The following RIC1 variants were observed in gnomAD, a reference collection of about 807,000 sequenced individuals.
The protein encoded by RIC1 is guanine nucleotide exchange factor subunit RIC1.
Under a neutral mutation model 169.0 loss-of-function variants are expected in RIC1, and 88 were observed. The ratio of observed to expected loss-of-function variants is 0.52; its 90% CI spans 0.44 to 0.62. The LOEUF (loss-of-function observed/expected upper bound fraction) is 0.62, where lower values mean the gene tolerates loss of function less well. Among genes scored for constraint, RIC1 ranks in the 20% least tolerant of loss-of-function variants. RIC1 has a pLI of 0.00. For synonymous variants in RIC1, 790 were observed against 601.5 expected (o/e 1.31, Z -4.59); for missense variants, 1,877 against 1,725.5 (o/e 1.09, Z -1.56).
intron 1 of RIC1, among the ~76,000 whole-genome samples, chr9:5,630,225 G>T (rs991646701): frequency 2.6e-5 from 4 of 152,172 alleles, no homozygotes; most frequent in Non-Finnish European, 4.4e-5. Flanking sequence ...GAATTACTGA[G>T]TAGATATGAG....
intron 6 of RIC1, among the ~76,000 whole-genome samples, chr9:5,727,200 G>A (rs532779827): frequency 1.2e-4 from 18 of 152,304 alleles, no homozygotes; most frequent in Non-Finnish European, 2.4e-4. Context: ...GCAGTCAGAC[G>A]TAGATTTCAT....
intron 2 of RIC1, among the ~76,000 whole-genome samples, chr9:5,657,386 A>T (rs1191426104): frequency 1.3e-5 from 2 of 152,126 alleles, no homozygotes; most frequent in African/African-American, 4.8e-5. Context: ...ATATGTGGTT[A>T]ATTAACATTA....
intron 7 of RIC1, among the ~76,000 whole-genome samples, chr9:5,737,810 A>G (rs1046050933): frequency 1.3e-5 from 2 of 151,022 alleles, no homozygotes; most frequent in African/African-American, 4.8e-5. Context: ...AATATTATAT[A>G]TTGTATTCTT....
At chr9:5,755,173 A>G (rs992677116) in intron 15 of RIC1, among the ~76,000 whole-genome samples, 3 of 152,188 alleles carry the variant, frequency 2.0e-5, no homozygotes, top group African/African-American at 7.2e-5. Context: ...GACATTCCCT[A>G]TGGAGTTTGA....
intron 17 of RIC1, among the ~76,000 whole-genome samples, chr9:5,759,234 T>C (rs1400332100): frequency 6.6e-6 from 1 of 152,216 alleles, no homozygotes; most frequent in South Asian, 2.1e-4. Flanking sequence ...GAGGAACTAA[T>C]CAGTCTTATC....
chr9:5,718,166 A>AAAAAG (rs1823380133), intron 4 of RIC1, among the ~76,000 whole-genome samples: 9 of 150,258 alleles, frequency 6.0e-5, no homozygotes, highest in South Asian at 2.1e-4. Flanking sequence ...AAAAAAAAAA[A>AAAAAG]GTTCAGTTCT....
intron 3 of RIC1, among the ~76,000 whole-genome samples, chr9:5,692,858 T>C: frequency 6.6e-6 from 1 of 152,106 alleles, no homozygotes; most frequent in Non-Finnish European, 1.5e-5. Context: ...TAAGCATTTT[T>C]TAATACGTAT....
In RIC1 at chr9:5,775,375, A is replaced by G. The variant is rs1199527561; in HGVS notation, c.*1129A>G. 1 of 152,194 alleles carries G rather than the reference A, an allele frequency of 6.6e-6. No homozygotes were observed. The allele number at this position is 152,194 out of a possible 1,614,324, so 9.4% of individuals were successfully genotyped here. A position where few individuals can be genotyped will look rare whatever the true frequency, so the allele number is the denominator to read the frequency against. On this transcript the variant is annotated 3_prime_UTR_variant, in exon 26 of 26. Transcript: ENST00000414202. ...TTTGTTTTCATACATTATGAAAACA[A>G]CTGCATACTCCTTAATTGCTTTAAA...
At chr9:5,714,076 C>T (rs1823094958) in intron 4 of RIC1, 73 bp downstream of exon 4, 1 of 899,462 alleles carries the variant, frequency 1.1e-6, no homozygotes, top group Admixed American at 2.2e-5. Context: ...CCATGACCAA[C>T]AGGAAAGTTA....
chr9:5,707,646 C>A (rs12683639), intron 3 of RIC1, among the ~76,000 whole-genome samples: 45,505 of 151,660 alleles, frequency 0.3, 7,999 homozygotes, highest in East Asian at 0.62. Flanking sequence ...TGTGATAGTT[C>A]CTAAAGTCTT....
At chr9:5,765,274 A>G in intron 19 of RIC1, 140 bp from the exon 20 acceptor site, 1 of 834,696 alleles carries the variant, frequency 1.2e-6, no homozygotes, top group Non-Finnish European at 1.9e-6. Context: ...CTTGTATGGT[A>G]CTTTTTAATC....
rs1407265870 is a variant in RIC1 at position 5,775,162 on chromosome 9, T to C, written c.*916T>C. ...AGAAATGGTCACACTGATCATGAAA[T>C]GCAGCAAGTTTTGTGCAAATTAACA... On this transcript the variant is annotated 3_prime_UTR_variant, in exon 26 of 26. Transcript: ENST00000414202. The C allele has an allele frequency of 6.6e-6, 1 of 152,220 alleles. No homozygotes were observed. Among genetic ancestry groups the C allele is most frequent in the Non-Finnish European group, 1.5e-5 (1 of 68,036 alleles). The allele number at this position is 152,220 out of a possible 1,614,324, so 9.4% of individuals were successfully genotyped here.
chr9:5,668,792 T>A (rs1819930732), intron 2 of RIC1, among the ~76,000 whole-genome samples: 1 of 152,170 alleles, frequency 6.6e-6, no homozygotes, highest in African/African-American at 2.4e-5. Flanking sequence ...TTTTCTTGAT[T>A]TTCTTTAGTT....
At chr9:5,665,248 C>T (rs59250520) in intron 2 of RIC1, among the ~76,000 whole-genome samples, 1 of 151,214 alleles carries the variant, frequency 6.6e-6, no homozygotes, top group Non-Finnish European at 1.5e-5. Flanking sequence ...GGCTGCTTAT[C>T]TCTCACATTG....
intron 2 of RIC1, among the ~76,000 whole-genome samples, chr9:5,676,434 G>A (rs1450955754): frequency 1.3e-5 from 2 of 152,104 alleles, no homozygotes; most frequent in South Asian, 2.1e-4. Context: ...TGCTTTATGT[G>A]TATTAAAATT....
At chr9:5,630,787 AATAT>A (rs1241898576) in intron 1 of RIC1, among the ~76,000 whole-genome samples, 7 of 152,184 alleles carry the variant, frequency 4.6e-5, no homozygotes, top group Non-Finnish European at 1.5e-5. Flanking sequence ...CATATGTGTA[AATAT>A]ATATAAAGTA....
chr9:5,640,492 ATTC>A lies in RIC1; in HGVS notation c.144+11042_144+11044del, dbSNP rs528313159. 6.6e-5 allele frequency among the ~76,000 whole-genome samples: 10 copies of A among 152,140 alleles called. No homozygotes were observed. In the South Asian group the frequency reaches 1.0e-3, roughly 16 times the overall value. On this transcript the variant is annotated intron_variant, in intron 1 of 25. Coordinates refer to ENST00000414202, the MANE Select transcript of RIC1 (RefSeq NM_020829.4). Reference sequence around the variant, plus strand: ...TACTATGTCTTGAAAAGTTGTCGTTATTCTTTATTGGTTCGTTTCATCAGTCTT... The same window carrying A: ...TACTATGTCTTGAAAAGTTGTCGTTATTTATTGGTTCGTTTCATCAGTCTT...
intron 7 of RIC1, among the ~76,000 whole-genome samples, chr9:5,735,591 T>C (rs1824650025): frequency 6.6e-6 from 1 of 152,196 alleles, no homozygotes; most frequent in Non-Finnish European, 1.5e-5. Context: ...GGTTAAAGTT[T>C]TGTGATTCTA....
At chr9:5,679,211 T>C (rs1820650537) in intron 2 of RIC1, among the ~76,000 whole-genome samples, 1 of 152,194 alleles carries the variant, frequency 6.6e-6, no homozygotes, top group Non-Finnish European at 1.5e-5. Context: ...TATATCTCTG[T>C]TTTGGTACCA....
Sources: gnomAD v4.1 joint callset for allele counts (sites outside exome capture counted in the v4.1 genomes callset) on GRCh38, gnomAD v4.1.1 for gene constraint, MANE v1.5 for transcripts, NCBI Gene and HGNC (gene_info 2026-07-23, HGNC 2026-07-21) for gene names.